ANKS1B: variants seen among roughly 807,000 people sequenced by gnomAD.
ANKS1B encodes ankyrin repeat and sterile alpha motif domain containing 1B, also known as ankyrin repeat and sterile alpha motif domain-containing protein 1B.
A neutral mutation model predicts 148.3 loss-of-function variants in ANKS1B; 36 were observed. The observed-to-expected ratio is 0.24, with a 90% CI of 0.19 to 0.32. The LOEUF is 0.32. Ranked by LOEUF, ANKS1B falls within the 10% of genes least tolerant of loss-of-function variation. The pLI is 1.00. For missense variants in ANKS1B, 1,157 were observed against 1,542.6 expected (o/e 0.75, Z 4.19); for synonymous variants, 542 against 560.8 (o/e 0.97, Z 0.47).
intron 17 of ANKS1B, among the ~76,000 whole-genome samples, chr12:98,975,714 C>T (rs1190749286): frequency 6.6e-6 from 1 of 151,966 alleles, no homozygotes; most frequent in Non-Finnish European, 1.5e-5. Flanking sequence ...GGAGCAGACA[C>T]CTGAATGAAG....
intron 17 of ANKS1B, among the ~76,000 whole-genome samples, chr12:98,858,424 G>A (rs371620883): frequency 2.0e-5 from 3 of 152,198 alleles, no homozygotes; most frequent in African/African-American, 7.2e-5. Flanking sequence ...GCTCACTGTT[G>A]CCTTGACCTC....
intron 20 of ANKS1B, among the ~76,000 whole-genome samples, chr12:98,802,585 AT>A (rs1367322887): frequency 7.8e-6 from 1 of 128,090 alleles, no homozygotes; most frequent in East Asian, 2.6e-4. Context: ...GACTTCAGTA[AT>A]GCACAGGCTT....
intron 10 of ANKS1B, among the ~76,000 whole-genome samples, chr12:99,448,347 A>G (rs1221374622): frequency 6.6e-6 from 1 of 152,176 alleles, no homozygotes; most frequent in African/African-American, 2.4e-5. Context: ...CCAGGCACAG[A>G]AAGACAAATG....
intron 17 of ANKS1B, among the ~76,000 whole-genome samples, chr12:98,988,480 A>G (rs1370492721): frequency 1.3e-5 from 2 of 152,112 alleles, no homozygotes; most frequent in Non-Finnish European, 2.9e-5. Flanking sequence ...GTGTATATGT[A>G]ACATTTTTCT....
At chr12:98,883,194 T>C (rs2099718700) in intron 17 of ANKS1B, among the ~76,000 whole-genome samples, 1 of 152,240 alleles carries the variant, frequency 6.6e-6, no homozygotes, top group Admixed American at 6.5e-5. Context: ...TTATAACATC[T>C]GGAGGAATCT....
rs537611540 is a variant in ANKS1B at position 98,772,155 on chromosome 12, G to A, written c.3579+887C>T. The stretch of plus-strand genomic sequence containing the variant: ...TCTGCCAAAATGTACTTGGTGTTAT[G>A]AGTGGAACTGTGACCCACCCAAAAT... On this transcript the variant is annotated intron_variant, in intron 25 of 26. Transcript: ENST00000683438. Among the ~76,000 whole-genome samples, 179 of 152,314 alleles carry A rather than the reference G, an allele frequency of 1.2e-3. 2 individuals carry two copies. In the Middle Eastern group the frequency reaches 0.024, roughly 20 times the overall value.
intron 25 of ANKS1B, among the ~76,000 whole-genome samples, chr12:98,753,014 C>T (rs1261038658): frequency 6.6e-6 from 1 of 152,162 alleles, no homozygotes; most frequent in Non-Finnish European, 1.5e-5. Context: ...TCCAACAGAG[C>T]CAATTCCCCA....
rs555419720 is a variant in ANKS1B at position 99,623,423 on chromosome 12, A to G, written c.1272+31644T>C. Among the ~76,000 whole-genome samples the G allele has an allele frequency of 1.3e-3, 205 of 152,148 alleles. 3 individuals carry two copies. In the South Asian group the frequency reaches 0.042, roughly 31 times the overall value. On this transcript the variant is annotated intron_variant, in intron 9 of 26. Coordinates refer to ENST00000683438, the MANE Select transcript of ANKS1B (RefSeq NM_001352186.2). ...CTAGCCAGAGAAATCAGGCAAGAGA[A>G]AGATACAAAGGGCACCCAAATAGGA...
intron 15 of ANKS1B, among the ~76,000 whole-genome samples, chr12:99,114,103 A>G (rs559455398): frequency 6.6e-6 from 1 of 152,314 alleles, no homozygotes; most frequent in East Asian, 1.9e-4. Flanking sequence ...CTTTGTGATA[A>G]CCTCAGAGTA....
intron 12 of ANKS1B, among the ~76,000 whole-genome samples, chr12:99,384,264 A>G (rs56219943): frequency 0.11 from 16,382 of 152,140 alleles, 891 homozygotes; most frequent in Non-Finnish European, 0.12. Flanking sequence ...CTCTTCCACT[A>G]ACTTATTGGT....
chr12:99,809,857 C>T (rs1455011041), intron 3 of ANKS1B, among the ~76,000 whole-genome samples: 5 of 152,020 alleles, frequency 3.3e-5, no homozygotes, highest in Admixed American at 2.6e-4. Flanking sequence ...TGGTTGAGAG[C>T]TTAGGCTTTG....
At chr12:99,682,779 AAAC>A (rs984582578) in intron 8 of ANKS1B, among the ~76,000 whole-genome samples, 4 of 152,190 alleles carry the variant, frequency 2.6e-5, no homozygotes, top group Non-Finnish European at 4.4e-5. Flanking sequence ...ATTGATATTG[AAAC>A]AACAACAACA....
chr12:99,883,587 C>A (rs2153740876), intron 1 of ANKS1B, among the ~76,000 whole-genome samples: 1 of 149,880 alleles, frequency 6.7e-6, no homozygotes, highest in East Asian at 1.9e-4. Flanking sequence ...CCTGTAAAGA[C>A]CATGAAAAGA....
At chr12:99,687,679 T>A (rs1343356560) in intron 8 of ANKS1B, among the ~76,000 whole-genome samples, 1 of 152,132 alleles carries the variant, frequency 6.6e-6, no homozygotes, top group Non-Finnish European at 1.5e-5. Context: ...ACTTGAGTCA[T>A]TTTTTTCTTA....
intron 17 of ANKS1B, among the ~76,000 whole-genome samples, chr12:98,968,246 C>T (rs1415568019): frequency 1.3e-5 from 2 of 152,140 alleles, no homozygotes; most frequent in African/African-American, 4.8e-5. Flanking sequence ...CCCACTACTG[C>T]TCCAGACTAG....
chr12:99,433,870 A>G (rs532615983), intron 11 of ANKS1B, among the ~76,000 whole-genome samples: 1 of 152,284 alleles, frequency 6.6e-6, no homozygotes, highest in Admixed American at 6.5e-5. Flanking sequence ...TGAAATTCCA[A>G]AAGTTCTCTA....
intron 9 of ANKS1B, among the ~76,000 whole-genome samples, chr12:99,619,552 C>T (rs2098018699): frequency 6.6e-6 from 1 of 152,000 alleles, no homozygotes; most frequent in Non-Finnish European, 1.5e-5. Context: ...TGGTGCAGCA[C>T]GGCTCTCTCT....
intron 8 of ANKS1B, among the ~76,000 whole-genome samples, chr12:99,746,293 T>C (rs79834297): frequency 0.019 from 2,912 of 152,306 alleles, 100 homozygotes; most frequent in African/African-American, 0.065. Context: ...GTGTAACAAA[T>C]ATTTTCTCTA....
intron 22 of ANKS1B, among the ~76,000 whole-genome samples, chr12:98,791,170 C>A (rs1313513348): frequency 6.6e-6 from 1 of 152,062 alleles, no homozygotes; most frequent in South Asian, 2.1e-4. Flanking sequence ...TATGGTGAAA[C>A]CCTGTCTCTA....
Sources: gnomAD v4.1 joint callset for allele counts (sites outside exome capture counted in the v4.1 genomes callset) on GRCh38, gnomAD v4.1.1 for gene constraint, MANE v1.5 for transcripts, NCBI Gene and HGNC (gene_info 2026-07-23, HGNC 2026-07-21) for gene names.